Variants in GRK3 observed in about 807,000 individuals in gnomAD.
GRK3 encodes the protein adrenergic, beta, receptor kinase 2.
Under a neutral mutation model 95.7 loss-of-function variants are expected in GRK3, and 54 were observed. That is an observed-to-expected ratio of 0.56 (90% CI 0.45 to 0.71). GRK3 has a LOEUF of 0.71. GRK3 is among the 30% of genes least tolerant of loss of function. The pLI, the probability that GRK3 is intolerant of heterozygous loss-of-function variation, is 0.00. For missense variants in GRK3, 649 were observed against 851.2 expected (o/e 0.76, Z 2.96); for synonymous variants, 281 against 290.8 (o/e 0.97, Z 0.34).
Position 25,704,096 on chromosome 22 carries a change from G to C in GRK3, c.1228-13G>C, listed in dbSNP as rs140680485. 3 of 1,600,962 alleles carry C rather than the reference G, an allele frequency of 1.9e-6. No individual in the cohort carries two copies. The highest frequency in any genetic ancestry group is 2.7e-5 in the African/African-American group (2 of 74,548). ...TGAACGGATTTTTGAAATCTTACTCGTCTTTTCCCCAGAATGTGGAACTTC... is the reference window on the plus strand; with the variant it reads ...TGAACGGATTTTTGAAATCTTACTCCTCTTTTCCCCAGAATGTGGAACTTC... On this transcript the variant is annotated splice_polypyrimidine_tract_variant and intron_variant, in intron 14 of 20. Transcript: ENST00000324198.
chr22:25,589,294 T>C (rs1932418717), intron 1 of GRK3, among the ~76,000 whole-genome samples: 1 of 152,252 alleles, frequency 6.6e-6, no homozygotes, highest in African/African-American at 2.4e-5. Flanking sequence ...TTGTAGTTTC[T>C]CTACCAGTAA....
chr22:25,627,243 T>G (rs917165230), intron 2 of GRK3, among the ~76,000 whole-genome samples: 3 of 152,166 alleles, frequency 2.0e-5, no homozygotes, highest in African/African-American at 7.2e-5. Flanking sequence ...TAAAAACTAT[T>G]CCCCAGCAGG....
Position 25,673,147 on chromosome 22 carries a change from C to T in GRK3, c.555+800C>T, listed in dbSNP as rs553122118. ...CGCGATCTCTGCTCACTGCAACCTC[C>T]GCCTCCCGGGTTCACACCATTCTCC... On this transcript the variant is annotated intron_variant, in intron 7 of 20. Transcript: ENST00000324198. 4.0e-5 allele frequency among the ~76,000 whole-genome samples: 6 copies of T among 151,576 alleles called. No homozygotes were observed. The East Asian group carries it at 9.7e-4, about 25-fold the overall frequency.
chr22:25,600,710 G>A (rs906608298), intron 1 of GRK3, among the ~76,000 whole-genome samples: 35 of 152,248 alleles, frequency 2.3e-4, no homozygotes, highest in African/African-American at 8.4e-4. Context: ...GGGATCCGAG[G>A]CGGGTCCTAG....
chr22:25,585,928 T>G (rs113900509), intron 1 of GRK3, among the ~76,000 whole-genome samples: 5,328 of 152,142 alleles, frequency 0.035, 33 homozygotes, highest in African/African-American at 0.081. Flanking sequence ...ACACTCTTAC[T>G]TGTAGAAACC....
chr22:25,670,747 G>A (rs1457880721), intron 6 of GRK3, among the ~76,000 whole-genome samples: 1 of 151,758 alleles, frequency 6.6e-6, no homozygotes, highest in African/African-American at 2.4e-5. Flanking sequence ...CATTTCTTTT[G>A]AAAATAGTTT....
chr22:25,662,248 T>G (rs568154439), intron 4 of GRK3, among the ~76,000 whole-genome samples: 1 of 152,232 alleles, frequency 6.6e-6, no homozygotes, highest in Non-Finnish European at 1.5e-5. Context: ...GTAATATCTC[T>G]ATATTAGGAA....
At chr22:25,704,234 G>A (rs2085281991) in intron 15 of GRK3, 25 bp downstream of exon 15, 10 of 1,571,490 alleles carry the variant, frequency 6.4e-6, no homozygotes, top group Admixed American at 1.7e-5. Context: ...CTGCCTTTCG[G>A]TATCTTTACC....
At chr22:25,680,914 G>A (rs906748238) in intron 9 of GRK3, among the ~76,000 whole-genome samples, 2 of 150,710 alleles carry the variant, frequency 1.3e-5, no homozygotes, top group African/African-American at 4.9e-5. Flanking sequence ...TAACTGAAAT[G>A]CATTCACTCA....
At chr22:25,601,738 A>C (rs1168800109) in intron 1 of GRK3, among the ~76,000 whole-genome samples, 3 of 152,178 alleles carry the variant, frequency 2.0e-5, no homozygotes, top group Non-Finnish European at 4.4e-5. Context: ...GAAAGAAGGA[A>C]GTCTTTTCAA....
At chr22:25,704,821 C>A (rs912073750) in intron 15 of GRK3, among the ~76,000 whole-genome samples, 1 of 152,170 alleles carries the variant, frequency 6.6e-6, no homozygotes, top group Non-Finnish European at 1.5e-5. Context: ...GGCAGTTTAA[C>A]ATTCTGATCA....
chr22:25,581,598 T>C (rs1932101971), intron 1 of GRK3, among the ~76,000 whole-genome samples: 2 of 151,404 alleles, frequency 1.3e-5, no homozygotes, highest in Admixed American at 6.6e-5. Context: ...CCAACCAGAG[T>C]GGACAGATTT....
At chr22:25,628,648 T>A (rs895102457) in intron 2 of GRK3, among the ~76,000 whole-genome samples, 3 of 152,234 alleles carry the variant, frequency 2.0e-5, no homozygotes, top group Admixed American at 2.0e-4. Context: ...TTTTATATTG[T>A]ATTCGAAGGT....
At chr22:25,657,383 A>G (rs575792718) in intron 3 of GRK3, among the ~76,000 whole-genome samples, 29 of 152,282 alleles carry the variant, frequency 1.9e-4, no homozygotes, top group African/African-American at 6.7e-4. Context: ...TGAGTACAGA[A>G]ACATTTTTGA....
At chr22:25,595,378 C>G (rs1320322707) in intron 1 of GRK3, among the ~76,000 whole-genome samples, 2 of 152,066 alleles carry the variant, frequency 1.3e-5, no homozygotes, top group Non-Finnish European at 1.5e-5. Flanking sequence ...AGCTGAGAGC[C>G]AAATTAAAAT....
At chr22:25,696,635 C>G (rs998003567) in intron 13 of GRK3, among the ~76,000 whole-genome samples, 1 of 152,078 alleles carries the variant, frequency 6.6e-6, no homozygotes, top group African/African-American at 2.4e-5. Flanking sequence ...AATGTTGCAC[C>G]TTTCCATCGG....
intron 3 of GRK3, among the ~76,000 whole-genome samples, chr22:25,651,419 A>T (rs564957915): frequency 1.3e-5 from 2 of 152,332 alleles, no homozygotes; most frequent in East Asian, 1.9e-4. Flanking sequence ...TTAAAATGTG[A>T]CAGATGGACT....
Position 25,565,027 on chromosome 22 carries a change from C to G in GRK3, c.-14C>G. 7.0e-7 allele frequency: 1 copy of G among 1,426,578 alleles called. No individual in the cohort carries two copies. Among genetic ancestry groups the G allele is most frequent in the Non-Finnish European group, 9.3e-7 (1 of 1,071,380 alleles). The allele number at this position is 1,426,578 out of a possible 1,614,324, so 88.4% of individuals were successfully genotyped here. ...CCGGAGTAACCGCCGCCGCCGCCGC[C>G]AAAGCTCGCCAACATGGCGGACCTG... On this transcript the variant is annotated 5_prime_UTR_variant, in exon 1 of 21. Coordinates refer to ENST00000324198, the MANE Select transcript of GRK3 (RefSeq NM_005160.4).
intron 1 of GRK3, among the ~76,000 whole-genome samples, chr22:25,595,453 T>A (rs1426230813): frequency 6.6e-6 from 1 of 152,194 alleles, no homozygotes; most frequent in Non-Finnish European, 1.5e-5. Context: ...TTACTTTTTG[T>A]GTGTAGTATT....
Sources: gnomAD v4.1 joint callset for allele counts (sites outside exome capture counted in the v4.1 genomes callset) on GRCh38, gnomAD v4.1.1 for gene constraint, MANE v1.5 for transcripts, NCBI Gene and HGNC (gene_info 2026-07-23, HGNC 2026-07-21) for gene names.